Variants in CDH12 observed in about 807,000 individuals in gnomAD.
CDH12 encodes the protein cadherin 12.
In CDH12, 41 loss-of-function variants were observed where a neutral mutation model predicts 74.1. The ratio of observed to expected loss-of-function variants is 0.55; its 90% CI spans 0.43 to 0.72. The LOEUF is 0.72. CDH12 is among the 30% of genes least tolerant of loss of function. The pLI, the probability that CDH12 is intolerant of heterozygous loss-of-function variation, is 0.00. For synonymous variants in CDH12, 399 were observed against 355.0 expected (o/e 1.12, Z -1.39); for missense variants, 945 against 977.2 (o/e 0.97, Z 0.44).
intron 3 of CDH12, among the ~76,000 whole-genome samples, chr5:22,400,165 C>T (rs1742657025): frequency 6.6e-6 from 1 of 152,056 alleles, no homozygotes; most frequent in Admixed American, 6.6e-5. Context: ...TGATTTTATT[C>T]TACTGGTGTA....
intron 3 of CDH12, among the ~76,000 whole-genome samples, chr5:22,382,122 C>A (rs562816002): frequency 5.6e-5 from 8 of 143,204 alleles, no homozygotes; most frequent in South Asian, 2.2e-4. Flanking sequence ...TAATATATCA[C>A]ATATATTATA....
At chr5:22,814,179 C>T (rs893407454) in intron 1 of CDH12, among the ~76,000 whole-genome samples, 1 of 152,068 alleles carries the variant, frequency 6.6e-6, no homozygotes, top group African/African-American at 2.4e-5. Context: ...AATCTAGGTA[C>T]ATTAAATATT....
chr5:22,832,197 G>T (rs1051910113), intron 1 of CDH12, among the ~76,000 whole-genome samples: 6 of 152,140 alleles, frequency 3.9e-5, no homozygotes, highest in African/African-American at 1.4e-4. Context: ...AAACTTTTTT[G>T]AGACTTGGCA....
chr5:22,049,003 A>G (rs949449691), intron 5 of CDH12, among the ~76,000 whole-genome samples: 1 of 152,116 alleles, frequency 6.6e-6, no homozygotes, highest in Non-Finnish European at 1.5e-5. Flanking sequence ...GTTATACATT[A>G]TAAAGTATAT....
In CDH12 at chr5:22,049,561, A is replaced by AGG. The variant is rs1740205984; in HGVS notation, c.231+28884_231+28885insCC. ...CTATTCTCTCCCTGTTAATACATCT[A>AGG]ACTTCCTACTGGTTTCCATTTCAAT... On this transcript the variant is annotated intron_variant, in intron 5 of 14. Coordinates refer to ENST00000382254, the MANE Select transcript of CDH12 (RefSeq NM_004061.5). Among the ~76,000 whole-genome samples the AGG allele has an allele frequency of 6.6e-5, 10 of 152,042 alleles. 1 individual carries two copies. Among genetic ancestry groups the AGG allele is most frequent in the Admixed American group, 6.6e-4 (10 of 15,244 alleles).
intron 11 of CDH12, among the ~76,000 whole-genome samples, chr5:21,773,531 G>A (rs1745436231): frequency 6.6e-6 from 1 of 152,160 alleles, no homozygotes; most frequent in Non-Finnish European, 1.5e-5. Flanking sequence ...TTACACCAGC[G>A]ATTTCCCTGG....
intron 3 of CDH12, among the ~76,000 whole-genome samples, chr5:22,327,140 A>G (rs561432494): frequency 6.6e-6 from 1 of 152,150 alleles, no homozygotes; most frequent in Non-Finnish European, 1.5e-5. Context: ...CGAGACATTT[A>G]ATACAATACA....
intron 3 of CDH12, among the ~76,000 whole-genome samples, chr5:22,347,484 C>T (rs1740167784): frequency 6.6e-6 from 1 of 152,198 alleles, no homozygotes; most frequent in South Asian, 2.1e-4. Context: ...AAGACCGCAC[C>T]ATCGGCTTCC....
At chr5:21,801,806 C>T (rs1747126175) in intron 10 of CDH12, among the ~76,000 whole-genome samples, 2 of 152,106 alleles carry the variant, frequency 1.3e-5, no homozygotes, top group African/African-American at 4.8e-5. Context: ...GTCTATTATA[C>T]TCTAGGCACT....
chr5:22,838,018 G>C (rs1301433338), intron 1 of CDH12, among the ~76,000 whole-genome samples: 1 of 152,116 alleles, frequency 6.6e-6, no homozygotes, highest in Non-Finnish European at 1.5e-5. Flanking sequence ...CAATTTGAAG[G>C]CAGAAGTGAA....
At chr5:22,805,834 G>A (rs1055229002) in intron 1 of CDH12, among the ~76,000 whole-genome samples, 2 of 152,010 alleles carry the variant, frequency 1.3e-5, no homozygotes, top group African/African-American at 4.8e-5. Context: ...ACAGGCCCCG[G>A]TGTGTGATGT....
chr5:22,212,018 T>A (rs1261577238), intron 4 of CDH12, among the ~76,000 whole-genome samples: 1 of 151,474 alleles, frequency 6.6e-6, no homozygotes, highest in East Asian at 2.0e-4. Context: ...ATTAAAATAT[T>A]CAGGGATTTA....
chr5:22,376,992 A>G (rs1371110906), intron 3 of CDH12, among the ~76,000 whole-genome samples: 1 of 152,168 alleles, frequency 6.6e-6, no homozygotes, highest in African/African-American at 2.4e-5. Context: ...GTATTAGTTT[A>G]TAAATTACCA....
chr5:22,223,375 T>A (rs1312660359), intron 3 of CDH12, among the ~76,000 whole-genome samples: 1 of 152,014 alleles, frequency 6.6e-6, no homozygotes, highest in Non-Finnish European at 1.5e-5. Context: ...AACAGGTTGA[T>A]CACAGTCTAA....
At chr5:22,054,757 G>C (rs1740623371) in intron 5 of CDH12, among the ~76,000 whole-genome samples, 1 of 152,134 alleles carries the variant, frequency 6.6e-6, no homozygotes, top group South Asian at 2.1e-4. Context: ...CAAAAGGTCA[G>C]AGGTTAACTG....
At chr5:22,443,264 A>C (rs1744695656) in intron 2 of CDH12, among the ~76,000 whole-genome samples, 1 of 152,070 alleles carries the variant, frequency 6.6e-6, no homozygotes, top group South Asian at 2.1e-4. Context: ...ACAAAACCTA[A>C]AATTTCACTA....
intron 5 of CDH12, among the ~76,000 whole-genome samples, chr5:21,979,007 A>T (rs1757191034): frequency 6.6e-6 from 1 of 152,192 alleles, no homozygotes; most frequent in African/African-American, 2.4e-5. Context: ...GGCTACAGAT[A>T]AAAAGAACTC....
chr5:22,150,803 G>T (rs1747524905), intron 4 of CDH12, among the ~76,000 whole-genome samples: 1 of 152,116 alleles, frequency 6.6e-6, no homozygotes, highest in African/African-American at 2.4e-5. Flanking sequence ...TAGAAAAAAA[G>T]ATATCCCCTC....
chr5:22,679,209 T>A (rs554672052), intron 1 of CDH12, among the ~76,000 whole-genome samples: 7 of 152,158 alleles, frequency 4.6e-5, no homozygotes, highest in Non-Finnish European at 7.4e-5. Context: ...GGTATAATTT[T>A]AGGAAATTAG....
Sources: allele counts gnomAD v4.1 joint callset (sites outside exome capture counted in the v4.1 genomes callset), GRCh38; gene constraint gnomAD v4.1.1; transcripts MANE v1.5; gene names NCBI Gene and HGNC (gene_info 2026-07-23, HGNC 2026-07-21).